Variants in EIF4G1 observed in about 807,000 individuals in gnomAD.
EIF4G1 encodes eukaryotic translation initiation factor 4 gamma 1, also known as EIF4-gamma.
A neutral mutation model predicts 187.8 loss-of-function variants in EIF4G1; 4 were observed. That is an observed-to-expected ratio of 0.02 (90% CI 0.01 to 0.05). The LOEUF is 0.05. Ranked by LOEUF, EIF4G1 falls within the 10% of genes least tolerant of loss-of-function variation. The pLI, the probability that EIF4G1 is intolerant of heterozygous loss-of-function variation, is 1.00. For missense variants in EIF4G1, 1,647 were observed against 2,081.1 expected, an observed-to-expected ratio of 0.79 and a Z score of 4.06; for synonymous variants, 844 against 781.4, an observed-to-expected ratio of 1.08 and a Z score of -1.34.
chr3:184,324,195 C>G lies in EIF4G1; in HGVS notation c.2473-6C>G, dbSNP rs750925212. On this transcript the variant is annotated splice_polypyrimidine_tract_variant and splice_region_variant and intron_variant, in intron 16 of 32. Coordinates refer to ENST00000346169, the MANE Select transcript of EIF4G1 (RefSeq NM_198241.3). ...TCTTGAGTGTGACATTCTCTCTGAC[C>G]TACAGCTGAAAGTGCCCACTACGGA... 6.2e-7 allele frequency: 1 copy of G among 1,614,226 alleles called. No homozygotes were observed. The highest frequency in any genetic ancestry group is 1.7e-5 in the Admixed American group (1 of 60,028).
In EIF4G1 at chr3:184,328,675, T is replaced by G; in HGVS notation, c.3998T>G (p.Ile1333Ser). 6.2e-7 allele frequency: 1 copy of G among 1,614,006 alleles called. No individual in the cohort carries two copies. Residue 1333 changes from isoleucine (I) to serine (S), a missense_variant, in exon 27 of 33, where the codon ATC becomes AGC. By Grantham distance (142) the Ile-to-Ser change is moderately radical (BLOSUM62 -2). Coordinates refer to ENST00000346169, the MANE Select transcript of EIF4G1 (RefSeq NM_198241.3). ...LELAEDMEID[I>S]PHVWLYLAEL... The stretch of plus-strand genomic sequence containing the variant: ...TTGGCTGAGGACATGGAAATTGACA[T>G]CCCCCACGTGTGGCTCTACCTAGCG...
Position 184,323,320 on chromosome 3 carries a change from G to A in EIF4G1, c.2088+79G>A. The A allele has an allele frequency of 6.2e-7, 1 of 1,611,602 alleles. No homozygotes were observed. The highest frequency in any genetic ancestry group is 8.5e-7 in the Non-Finnish European group (1 of 1,178,276). On this transcript the variant is annotated intron_variant, in intron 14 of 32. Coordinates refer to ENST00000346169, the MANE Select transcript of EIF4G1 (RefSeq NM_198241.3). This position sits in a 1 kb window ranked among gnomAD's most constrained non-coding sequence, Gnocchi z 6.9. ...CCGTGTCTCAGTGCCCGCGGGGAGG[G>A]GTTTGCCCTGGAGGCGTGTAGTAGT... is the stretch of plus-strand genomic sequence containing the variant.
chr3:184,327,018 G>A (rs1449983816), intron 23 of EIF4G1, 35 bp downstream of exon 23: 1 of 1,612,596 alleles, frequency 6.2e-7, no homozygotes, highest in Non-Finnish European at 8.5e-7. Context: ...TATTCACACT[G>A]GGGGTACCGT....
At position 184,327,430 on chromosome 3, in the gene EIF4G1, G is replaced by A. The variant is rs1234261105; in HGVS notation, c.3643G>A (p.Asp1215Asn). 1 of 1,613,378 alleles carries A rather than the reference G, an allele frequency of 6.2e-7. No individual in the cohort carries two copies. Among genetic ancestry groups the A allele is most frequent in the African/African-American group, 1.3e-5 (1 of 74,932 alleles). The change falls in exon 24 of 33, where the codon GAC (aspartate) becomes AAC (asparagine). Residue 1215 changes from aspartate (D) to asparagine (N), a missense_variant. Coordinates refer to ENST00000346169, the MANE Select transcript of EIF4G1 (RefSeq NM_198241.3). The part of the protein sequence containing the change: ...RKAASLTEDR[D>N]RGRDAVKREA... ...GGCAGCTAGCCTCACGGAGGATCGG[G>A]ACCGTGGGCGGGATGCCGGTGAGAG...
intron 28 of EIF4G1, among the ~76,000 whole-genome samples, chr3:184,330,531 A>G (rs554255275): frequency 3.9e-5 from 6 of 152,294 alleles, no homozygotes; most frequent in Admixed American, 1.3e-4. Context: ...TTCATAGTCT[A>G]TTGCCCCTTA....
chr3:184,319,851 G>T (rs781521146), intron 7 of EIF4G1, 50 bp downstream of exon 7: 2 of 1,302,146 alleles, frequency 1.5e-6, no homozygotes, highest in African/African-American at 1.5e-5. Context: ...GAGAATCAAG[G>T]TCAGGTGCTG....
At position 184,317,307 on chromosome 3, in the gene EIF4G1, C is replaced by T; in HGVS notation, c.148-14C>T. 6.2e-7 allele frequency: 1 copy of T among 1,613,892 alleles called. No homozygotes were observed. ...TCTCTTTACAATGCCAACTGCTTTC[C>T]TCCCTCCTGACAGCACTTCTACCCT... On this transcript the variant is annotated splice_polypyrimidine_tract_variant and intron_variant, in intron 4 of 32. Transcript: ENST00000346169.
chr3:184,317,664 T>C (rs1375064991), intron 5 of EIF4G1, 53 bp from the exon 6 acceptor site: 18 of 1,555,852 alleles, frequency 1.2e-5, no homozygotes, highest in South Asian at 3.3e-5. Flanking sequence ...GAGTCTGATA[T>C]GGAACTCATA....
intron 32 of EIF4G1, among the ~76,000 whole-genome samples, chr3:184,332,383 G>A (rs1263824295): frequency 4.6e-5 from 7 of 152,212 alleles, no homozygotes; most frequent in East Asian, 3.8e-4. Context: ...CCCCCACGGC[G>A]TGGCACAGGG....
In EIF4G1 at chr3:184,333,403, A is replaced by G. The variant is rs1365194103; in HGVS notation, c.4618+1317A>G. On this transcript the variant is annotated intron_variant, in intron 32 of 32. Coordinates refer to ENST00000346169, the MANE Select transcript of EIF4G1 (RefSeq NM_198241.3). ...GCACAGGGTAACTCATGTGCAAGTC[A>G]TAAGAGGATACGGGCTTGCCTGAGG... 2.0e-5 allele frequency among the ~76,000 whole-genome samples: 3 copies of G among 152,288 alleles called. 1 individual carries two copies. Among genetic ancestry groups the G allele is most frequent in the Admixed American group, 2.0e-4 (3 of 15,306 alleles).
In EIF4G1 at chr3:184,323,381, C is replaced by T; in HGVS notation, c.2089-27C>T. ...ATTGTGCTGACTAGTTCCATGTCCC[C>T]TCTTGTCTTCATCCCTTGCTTAGCA... is the stretch of plus-strand genomic sequence containing the variant. On this transcript the variant is annotated intron_variant, in intron 14 of 32. Coordinates refer to ENST00000346169, the MANE Select transcript of EIF4G1 (RefSeq NM_198241.3). This position sits in a 1 kb window ranked among gnomAD's most constrained non-coding sequence, Gnocchi z 6.9. 10 of 1,614,074 alleles carry T rather than the reference C, an allele frequency of 6.2e-6. No homozygotes were observed. Among genetic ancestry groups the T allele is most frequent in the Non-Finnish European group, 8.5e-6 (10 of 1,179,974 alleles).
At chr3:184,317,636 T>A (rs1723026808) in intron 5 of EIF4G1, 81 bp from the exon 6 acceptor site, 1 of 1,534,324 alleles carries the variant, frequency 6.5e-7, no homozygotes, top group Non-Finnish European at 9.0e-7. Flanking sequence ...TGTCTTGTCT[T>A]GACCTATGTT....
chr3:184,331,832 AG>A (rs1315667084), intron 31 of EIF4G1, 23 bp downstream of exon 31: 3 of 1,614,084 alleles, frequency 1.9e-6, no homozygotes, highest in Non-Finnish European at 2.5e-6. Flanking sequence ...AGGGAGATGG[AG>A]GGGCAAGGGT....
intron 32 of EIF4G1, among the ~76,000 whole-genome samples, chr3:184,332,881 C>T (rs988550409): frequency 3.3e-5 from 5 of 152,084 alleles, no homozygotes; most frequent in African/African-American, 9.7e-5. Context: ...CACACAGGGC[C>T]GGGTGTAAGC....
intron 1 of EIF4G1, 166 bp from the exon 2 acceptor site, chr3:184,315,323 C>T (rs1464997806): frequency 2.0e-6 from 1 of 505,002 alleles, no homozygotes; most frequent in Admixed American, 2.0e-5. Context: ...GCCCCTGGGC[C>T]AGGCCCGAAC....
At chr3:184,330,301 C>T (rs189717350) in intron 28 of EIF4G1, among the ~76,000 whole-genome samples, 1 of 152,278 alleles carries the variant, frequency 6.6e-6, no homozygotes, top group East Asian at 1.9e-4. Context: ...ATTGCTTGAA[C>T]CCAGGAGGGG....
At chr3:184,320,176 T>TC in intron 7 of EIF4G1, 2 of 954,298 alleles carry the variant, frequency 2.1e-6, no homozygotes, top group Middle Eastern at 4.4e-4. Context: ...CTCTGCTCAG[T>TC]CCTCAAGCCC....
Position 184,317,314 on chromosome 3 carries a change from C to CT in EIF4G1, c.148-6dup. 6.2e-7 allele frequency: 1 copy of CT among 1,614,038 alleles called. No individual in the cohort carries two copies. Among genetic ancestry groups the CT allele is most frequent in the Non-Finnish European group, 8.5e-7 (1 of 1,180,028 alleles). On this transcript the variant is annotated splice_region_variant and splice_polypyrimidine_tract_variant and intron_variant, in intron 4 of 32. Coordinates refer to ENST00000346169, the MANE Select transcript of EIF4G1 (RefSeq NM_198241.3). ...ACAATGCCAACTGCTTTCCTCCCTC[C>CT]TGACAGCACTTCTACCCTAGCCGGG...
At position 184,325,135 on chromosome 3, in the gene EIF4G1, A is replaced by G. The variant is rs1724622364; in HGVS notation, c.2856+21A>G. 2 of 1,611,966 alleles carry G rather than the reference A, an allele frequency of 1.2e-6. No individual in the cohort carries two copies. The highest frequency in any genetic ancestry group is 1.7e-6 in the Non-Finnish European group (2 of 1,178,592). ...CCAAGGTAGAGGTCCTTGCATCTGGAGGGGGATGGGCTGAAGCATATGTGG... is the reference window on the plus strand; with the variant it reads ...CCAAGGTAGAGGTCCTTGCATCTGGGGGGGGATGGGCTGAAGCATATGTGG... On this transcript the variant is annotated intron_variant, in intron 18 of 32. Transcript: ENST00000346169. The surrounding 1 kb of genome is among the most constrained non-coding windows in gnomAD (Gnocchi z 5.2).
Sources: allele counts gnomAD v4.1 joint callset (sites outside exome capture counted in the v4.1 genomes callset), GRCh38; gene constraint gnomAD v4.1.1; non-coding constraint Gnocchi (gnomAD v3.1); transcripts MANE v1.5; gene names NCBI Gene and HGNC (gene_info 2026-07-23, HGNC 2026-07-21).